NELL2: variants seen among roughly 807,000 people sequenced by gnomAD.
NELL2 encodes the protein protein kinase C-binding protein NELL2.
Under a neutral mutation model 109.6 loss-of-function variants are expected in NELL2, and 41 were observed. That is an observed-to-expected ratio of 0.37 (90% confidence interval 0.29 to 0.49). NELL2 has a LOEUF of 0.49. Ranked by LOEUF, NELL2 falls within the 20% of genes least tolerant of loss-of-function variation. The pLI, the probability that NELL2 is intolerant of heterozygous loss-of-function variation, is 0.98. For synonymous variants in NELL2, 355 were observed against 344.7 expected (o/e 1.03, Z -0.33); for missense variants, 900 against 1,008.3 (o/e 0.89, Z 1.45).
chr12:44,586,882 CAT>C (rs1053296569), intron 15 of NELL2, among the ~76,000 whole-genome samples: 25 of 152,200 alleles, frequency 1.6e-4, no homozygotes, highest in Non-Finnish European at 3.5e-4. Flanking sequence ...ACTCAATACA[CAT>C]GTGTGAAATA....
At chr12:44,515,668 G>A (rs1233223797) in intron 19 of NELL2, among the ~76,000 whole-genome samples, 1 of 151,826 alleles carries the variant, frequency 6.6e-6, no homozygotes, top group East Asian at 1.9e-4. Context: ...CTGAAACTCA[G>A]TCTGACTACT....
chr12:44,720,072 C>CAATTATT (rs1398971672), intron 9 of NELL2, among the ~76,000 whole-genome samples: 1 of 152,124 alleles, frequency 6.6e-6, no homozygotes, highest in East Asian at 1.9e-4. Context: ...CAATTCTTAA[C>CAATTATT]AATATGGTCA....
At chr12:44,529,561 T>C (rs1941950869) in intron 16 of NELL2, among the ~76,000 whole-genome samples, 1 of 152,072 alleles carries the variant, frequency 6.6e-6, no homozygotes, top group South Asian at 2.1e-4. Context: ...TGACAAGGCC[T>C]GAGTCCTGGG....
intron 12 of NELL2, among the ~76,000 whole-genome samples, chr12:44,687,460 G>A (rs1157101432): frequency 6.6e-6 from 1 of 152,124 alleles, no homozygotes; most frequent in African/African-American, 2.4e-5. Flanking sequence ...TATATTTCTA[G>A]CTAAAAGGTT....
intron 3 of NELL2, among the ~76,000 whole-genome samples, chr12:44,781,456 G>A (rs576682464): frequency 6.6e-6 from 1 of 151,980 alleles, no homozygotes; most frequent in African/African-American, 2.4e-5. Context: ...GAGAAAGGAG[G>A]CGAGCTTAAA....
intron 12 of NELL2, among the ~76,000 whole-genome samples, chr12:44,692,332 C>T (rs1344399687): frequency 1.3e-5 from 2 of 152,112 alleles, no homozygotes; most frequent in African/African-American, 2.4e-5. Flanking sequence ...GATTTAAAGT[C>T]CACTGTTCAG....
chr12:44,674,553 G>A (rs1304844909), intron 12 of NELL2, among the ~76,000 whole-genome samples: 1 of 152,134 alleles, frequency 6.6e-6, no homozygotes, highest in African/African-American at 2.4e-5. Flanking sequence ...ATTTGTGCAG[G>A]AAAATAATGG....
At chr12:44,806,516 A>G (rs1943005595) in intron 3 of NELL2, among the ~76,000 whole-genome samples, 1 of 151,882 alleles carries the variant, frequency 6.6e-6, no homozygotes, top group African/African-American at 2.4e-5. Context: ...ATTAAAATCT[A>G]TACTTGAATC....
At chr12:44,530,029 G>A (rs1213650947) in intron 16 of NELL2, among the ~76,000 whole-genome samples, 11 of 152,158 alleles carry the variant, frequency 7.2e-5, no homozygotes, top group Non-Finnish European at 1.6e-4. Flanking sequence ...CTATATGGAA[G>A]AGAAAATTAA....
intron 15 of NELL2, among the ~76,000 whole-genome samples, chr12:44,558,337 G>T (rs1383126209): frequency 6.6e-6 from 1 of 152,208 alleles, no homozygotes; most frequent in Non-Finnish European, 1.5e-5. Context: ...AAACAAGATA[G>T]AAGGTAAAGA....
At position 44,508,567 on chromosome 12, in the gene NELL2, C is replaced by G. The variant is rs765290377; in HGVS notation, c.*367G>C. ...TTATTTCTTGCAGTGAGGAACCTAA[C>G]TGATTCTTGAAGATTCTGATCTAGA... On this transcript the variant is annotated 3_prime_UTR_variant, in exon 20 of 20. Transcript: ENST00000429094. 16 of 176,748 alleles carry G rather than the reference C, an allele frequency of 9.1e-5. No individual in the cohort carries two copies. Among genetic ancestry groups the G allele is most frequent in the Non-Finnish European group, 1.5e-4 (13 of 84,166 alleles). 10.9% of individuals were successfully genotyped at this position (176,748 alleles called of 1,614,324 possible). A position where few individuals can be genotyped will look rare whatever the true frequency, so the allele number is the denominator to read the frequency against.
chr12:44,698,304 A>G (rs1949122834), intron 12 of NELL2, among the ~76,000 whole-genome samples: 1 of 152,214 alleles, frequency 6.6e-6, no homozygotes, highest in African/African-American at 2.4e-5. Flanking sequence ...ATGAATCATT[A>G]TCAGCAAAAG....
intron 13 of NELL2, among the ~76,000 whole-genome samples, chr12:44,612,709 C>T (rs10880657): frequency 0.58 from 88,571 of 151,622 alleles, 26,461 homozygotes; most frequent in East Asian, 0.73. Context: ...CCAATTTCAT[C>T]CCCAGTGCAA....
intron 3 of NELL2, among the ~76,000 whole-genome samples, chr12:44,783,972 C>A (rs936225971): frequency 1.3e-5 from 2 of 151,934 alleles, no homozygotes; most frequent in Middle Eastern, 3.2e-3. Flanking sequence ...CAATGATATA[C>A]CATAATCAAG....
chr12:44,579,569 C>G (rs546212589), intron 15 of NELL2, among the ~76,000 whole-genome samples: 2 of 152,174 alleles, frequency 1.3e-5, no homozygotes, highest in Admixed American at 1.3e-4. Context: ...ATATTCCCAG[C>G]TTTTCATATG....
At chr12:44,674,417 G>A (rs1248140826) in intron 12 of NELL2, among the ~76,000 whole-genome samples, 1 of 152,068 alleles carries the variant, frequency 6.6e-6, no homozygotes, top group Non-Finnish European at 1.5e-5. Flanking sequence ...ATAACGGTGT[G>A]GCAGGGCTTC....
At chr12:44,902,747 C>A (rs188021478) in intron 1 of NELL2, among the ~76,000 whole-genome samples, 1 of 152,144 alleles carries the variant, frequency 6.6e-6, no homozygotes. Context: ...GAAATAACAC[C>A]ACACATCTAC....
chr12:44,888,689 A>G (rs1183072885), intron 1 of NELL2, among the ~76,000 whole-genome samples: 3 of 151,934 alleles, frequency 2.0e-5, no homozygotes, highest in African/African-American at 7.3e-5. Flanking sequence ...GGCTTTCCAT[A>G]CAAATCATAT....
At chr12:44,686,055 A>G (rs532874066) in intron 12 of NELL2, among the ~76,000 whole-genome samples, 57 of 152,288 alleles carry the variant, frequency 3.7e-4, no homozygotes, top group African/African-American at 1.3e-3. Flanking sequence ...AGGTACACCA[A>G]TCAGACATAG....
Sources: allele counts gnomAD v4.1 joint callset (sites outside exome capture counted in the v4.1 genomes callset), GRCh38; gene constraint gnomAD v4.1.1; transcripts MANE v1.5; gene names NCBI Gene and HGNC (gene_info 2026-07-23, HGNC 2026-07-21).